Variants in MAMDC2 observed in about 807,000 individuals in gnomAD.
The protein encoded by MAMDC2 is MAM domain-containing protein 2.
A neutral mutation model predicts 89.8 loss-of-function variants in MAMDC2; 57 were observed. That is an observed-to-expected ratio of 0.63 (90% CI 0.51 to 0.79). The LOEUF (loss-of-function observed/expected upper bound fraction) is 0.79. MAMDC2 is among the 30% of genes least tolerant of loss of function. The pLI, the probability that MAMDC2 is intolerant of heterozygous loss-of-function variation, is 0.00. For missense variants in MAMDC2, 800 were observed against 820.6 expected (o/e 0.97, Z 0.31); for synonymous variants, 313 against 293.4 (o/e 1.07, Z -0.68).
At chr9:70,131,397 C>T in intron 6 of MAMDC2, 122 bp from the exon 7 acceptor site, 1 of 654,716 alleles carries the variant, frequency 1.5e-6, no homozygotes, top group South Asian at 2.0e-5. Context: ...AAATCTGATT[C>T]CATGAGTCCT....
intron 2 of MAMDC2, among the ~76,000 whole-genome samples, chr9:70,073,985 T>C (rs1186828624): frequency 6.6e-6 from 1 of 152,240 alleles, no homozygotes; most frequent in East Asian, 1.9e-4. Context: ...GAGAATCTGA[T>C]GAAAGCCATG....
intron 9 of MAMDC2, among the ~76,000 whole-genome samples, chr9:70,154,982 T>C (rs1193835914): frequency 6.6e-6 from 1 of 152,070 alleles, no homozygotes; most frequent in Non-Finnish European, 1.5e-5. Context: ...CAACACAGCT[T>C]ATCCAGCCTC....
intron 2 of MAMDC2, among the ~76,000 whole-genome samples, chr9:70,091,709 T>C (rs1359697349): frequency 2.0e-5 from 3 of 152,190 alleles, no homozygotes; most frequent in Non-Finnish European, 2.9e-5. Flanking sequence ...AATTGTATCA[T>C]GGGGTTGCTA....
chr9:70,199,102 A>AC (rs1250820772), intron 11 of MAMDC2, among the ~76,000 whole-genome samples: 1 of 150,384 alleles, frequency 6.6e-6, no homozygotes, highest in Non-Finnish European at 1.5e-5. Flanking sequence ...ACATGTGCAC[A>AC]TTGTACAGGT....
chr9:70,205,638 G>A (rs776195554), intron 11 of MAMDC2, among the ~76,000 whole-genome samples: 2 of 152,130 alleles, frequency 1.3e-5, no homozygotes, highest in African/African-American at 4.8e-5. Context: ...AAAGAACAGA[G>A]GGGACCCTGA....
intron 2 of MAMDC2, among the ~76,000 whole-genome samples, chr9:70,107,307 C>A (rs930670970): frequency 4.0e-5 from 6 of 151,710 alleles, no homozygotes; most frequent in African/African-American, 1.5e-4. Context: ...GCAGAAAGCA[C>A]TTGTCGATAT....
chr9:70,048,888 C>A (rs1244980993), intron 2 of MAMDC2, among the ~76,000 whole-genome samples: 1 of 152,166 alleles, frequency 6.6e-6, no homozygotes, highest in African/African-American at 2.4e-5. Context: ...TGGCTTAGCA[C>A]CTTTAACTGA....
At chr9:70,143,499 T>A in intron 8 of MAMDC2, 55 bp from the exon 9 acceptor site, 7 of 1,556,018 alleles carry the variant, frequency 4.5e-6, no homozygotes, top group Non-Finnish European at 6.2e-6. Flanking sequence ...TTTTACCACT[T>A]GCTAATCTAG....
intron 2 of MAMDC2, among the ~76,000 whole-genome samples, chr9:70,045,736 G>C (rs1261721832): frequency 6.6e-6 from 1 of 152,158 alleles, no homozygotes; most frequent in Non-Finnish European, 1.5e-5. Context: ...TCACAGGTAG[G>C]TGATGTTGGA....
intron 2 of MAMDC2, among the ~76,000 whole-genome samples, chr9:70,073,876 C>T (rs1827467247): frequency 6.6e-6 from 1 of 152,194 alleles, no homozygotes; most frequent in Non-Finnish European, 1.5e-5. Context: ...CCTGTGATTA[C>T]TTCAACATGT....
chr9:70,184,356 G>A (rs1398112794), intron 11 of MAMDC2, among the ~76,000 whole-genome samples: 6 of 152,000 alleles, frequency 3.9e-5, no homozygotes, highest in Admixed American at 2.0e-4. Context: ...ATGATTATGT[G>A]TCTTCATGTT....
At chr9:70,148,983 T>G (rs2309602) in intron 9 of MAMDC2, among the ~76,000 whole-genome samples, 1 of 136,938 alleles carries the variant, frequency 7.3e-6, no homozygotes, top group Non-Finnish European at 1.6e-5. Flanking sequence ...GAGCCGAGAT[T>G]GCGCCACTGC....
chr9:70,149,370 G>A (rs1363619355), intron 9 of MAMDC2, among the ~76,000 whole-genome samples: 3 of 152,070 alleles, frequency 2.0e-5, no homozygotes, highest in African/African-American at 7.2e-5. Context: ...AGGAAGGAAA[G>A]GAAGCAGGAT....
chr9:70,137,693 C>T (rs183497200), intron 7 of MAMDC2, among the ~76,000 whole-genome samples: 67 of 152,222 alleles, frequency 4.4e-4, no homozygotes, highest in Non-Finnish European at 8.7e-4. Context: ...CCAAATGTTT[C>T]CCTAGAGATA....
At chr9:70,051,406 TG>T (rs1826890130) in intron 2 of MAMDC2, among the ~76,000 whole-genome samples, 1 of 152,152 alleles carries the variant, frequency 6.6e-6, no homozygotes, top group Admixed American at 6.5e-5. Context: ...AGCTAATATG[TG>T]GGGAGGAAAA....
chr9:70,100,023 A>G (rs2997697), intron 2 of MAMDC2, among the ~76,000 whole-genome samples: 1 of 142,776 alleles, frequency 7.0e-6, no homozygotes, highest in Non-Finnish European at 1.5e-5. Flanking sequence ...AGAGAGAGAG[A>G]GCACAAGCAC....
chr9:70,171,879 C>G (rs2032360601), intron 11 of MAMDC2: 1 of 152,112 alleles, frequency 6.6e-6, no homozygotes, highest in South Asian at 2.1e-4. Flanking sequence ...AGAAAGTTTA[C>G]AAATTTGTGT....
intron 12 of MAMDC2, among the ~76,000 whole-genome samples, 190 bp from the exon 13 acceptor site, chr9:70,225,560 G>A (rs1375809633): frequency 6.6e-6 from 1 of 151,986 alleles, no homozygotes; most frequent in African/African-American, 2.4e-5. Context: ...GTAATTTATT[G>A]TGTTTCTTTA....
chr9:70,128,948 C>A (rs538618998), intron 6 of MAMDC2, among the ~76,000 whole-genome samples: 1 of 152,184 alleles, frequency 6.6e-6, no homozygotes, highest in African/African-American at 2.4e-5. Context: ...TGAACCACTG[C>A]GGCCAACCAA....
Sources: gnomAD v4.1 joint callset for allele counts (sites outside exome capture counted in the v4.1 genomes callset) on GRCh38, gnomAD v4.1.1 for gene constraint, MANE v1.5 for transcripts, NCBI Gene and HGNC (gene_info 2026-07-23, HGNC 2026-07-21) for gene names.